The following R3HCC1L variants were observed in gnomAD, a reference collection of about 807,000 sequenced individuals.
R3HCC1L encodes R3H domain and coiled-coil containing 1 like.
R3HCC1L carries 51 observed loss-of-function variants against 59.9 expected under a neutral mutation model. The observed-to-expected ratio is 0.85, with a 90% CI of 0.68 to 1.07. R3HCC1L has a LOEUF of 1.07. Among genes scored for constraint, R3HCC1L ranks in the 50% least tolerant of loss-of-function variants. The pLI, the probability that R3HCC1L is intolerant of heterozygous loss-of-function variation, is 0.00. For synonymous variants in R3HCC1L, 322 were observed against 315.2 expected (o/e 1.02, Z -0.23); for missense variants, 965 against 933.0 (o/e 1.03, Z -0.45).
At chr10:98,186,300 TTGGTTC>T (rs1176987395) in intron 4 of R3HCC1L, among the ~76,000 whole-genome samples, 1 of 152,146 alleles carries the variant, frequency 6.6e-6, no homozygotes, top group Non-Finnish European at 1.5e-5. Context: ...ACAGGACAGT[TTGGTTC>T]CTTCGGTTTT....
rs180699719 is a variant in R3HCC1L at position 98,179,322 on chromosome 10, A to G, written c.-15+15925A>G. Among the ~76,000 whole-genome samples the G allele has an allele frequency of 3.9e-5, 6 of 152,176 alleles. No homozygotes were observed. In the East Asian group the frequency reaches 1.2e-3, roughly 29 times the overall value. On this transcript the variant is annotated intron_variant, in intron 4 of 9. Coordinates refer to ENST00000298999, the MANE Select transcript of R3HCC1L (RefSeq NM_001351015.2). Reference sequence around the variant, plus strand: ...CTTTTCTGCATCTATTGAGATAATCATGTGGTTTTTGTCTGTGGTTCTGTT... The same window carrying G: ...CTTTTCTGCATCTATTGAGATAATCGTGTGGTTTTTGTCTGTGGTTCTGTT...
intron 4 of R3HCC1L, among the ~76,000 whole-genome samples, chr10:98,207,315 G>A (rs1368760186): frequency 6.6e-6 from 1 of 152,174 alleles, no homozygotes; most frequent in East Asian, 1.9e-4. Flanking sequence ...TTAGTAGATA[G>A]TAGATAAAGA....
chr10:98,198,992 A>G (rs902159220), intron 4 of R3HCC1L, among the ~76,000 whole-genome samples: 1 of 152,192 alleles, frequency 6.6e-6, no homozygotes, highest in African/African-American at 2.4e-5. Context: ...TTAATGCAGT[A>G]TATTCAAAAT....
intron 4 of R3HCC1L, 111 bp from the exon 5 acceptor site, chr10:98,207,990 A>G: frequency 9.8e-7 from 1 of 1,016,934 alleles, no homozygotes; most frequent in Non-Finnish European, 1.4e-6. Context: ...GCTCCACTGT[A>G]CTCTAGCCTG....
At chr10:98,162,659 C>CGTGTGTGTGT (rs1006113211) in intron 2 of R3HCC1L, among the ~76,000 whole-genome samples, 3 of 150,138 alleles carry the variant, frequency 2.0e-5, no homozygotes, top group Admixed American at 2.0e-4. Context: ...AACATCTGTT[C>CGTGTGTGTGT]GTGTGTGTGT....
intron 5 of R3HCC1L, among the ~76,000 whole-genome samples, chr10:98,216,581 G>T (rs1854233259): frequency 6.6e-6 from 1 of 152,072 alleles, no homozygotes; most frequent in South Asian, 2.1e-4. Flanking sequence ...TGTTTTTTAT[G>T]TGGTGGGGGT....
chr10:98,152,362 G>T (rs1481261909), intron 1 of R3HCC1L, among the ~76,000 whole-genome samples: 6 of 151,568 alleles, frequency 4.0e-5, no homozygotes, highest in African/African-American at 7.3e-5. Context: ...TGCAGCCTCT[G>T]CCCGGCCGCC....
intron 4 of R3HCC1L, among the ~76,000 whole-genome samples, chr10:98,170,163 C>T (rs1014488334): frequency 3.9e-5 from 6 of 152,060 alleles, no homozygotes; most frequent in African/African-American, 9.7e-5. Context: ...AGCATATACT[C>T]GGTGGAAAAC....
At chr10:98,227,851 G>A (rs1475132359) in intron 5 of R3HCC1L, among the ~76,000 whole-genome samples, 4 of 151,614 alleles carry the variant, frequency 2.6e-5, no homozygotes, top group Non-Finnish European at 4.4e-5. Context: ...TTGTCCTTGC[G>A]ATAGTTTGCT....
intron 5 of R3HCC1L, among the ~76,000 whole-genome samples, chr10:98,219,881 CTT>C (rs1854663971): frequency 6.6e-6 from 1 of 152,090 alleles, no homozygotes; most frequent in Non-Finnish European, 1.5e-5. Flanking sequence ...GGTTGAATCT[CTT>C]TGGGAATCTT....
chr10:98,207,113 C>G (rs891351667), intron 4 of R3HCC1L, among the ~76,000 whole-genome samples: 1 of 152,160 alleles, frequency 6.6e-6, no homozygotes, highest in Non-Finnish European at 1.5e-5. Flanking sequence ...TTCTCATTAT[C>G]TCCTTCTTTT....
At chr10:98,215,917 G>A (rs1040472417) in intron 5 of R3HCC1L, among the ~76,000 whole-genome samples, 1 of 152,182 alleles carries the variant, frequency 6.6e-6, no homozygotes, top group Non-Finnish European at 1.5e-5. Flanking sequence ...AGTAAATTGG[G>A]AAAGAAGCAT....
chr10:98,171,070 C>T (rs1848463248), intron 4 of R3HCC1L, among the ~76,000 whole-genome samples: 1 of 152,172 alleles, frequency 6.6e-6, no homozygotes, highest in Non-Finnish European at 1.5e-5. Flanking sequence ...CATAGGCATG[C>T]ACACAACACT....
chr10:98,135,603 G>A (rs1490861745), intron 1 of R3HCC1L, among the ~76,000 whole-genome samples: 1 of 152,214 alleles, frequency 6.6e-6, no homozygotes, highest in Non-Finnish European at 1.5e-5. Context: ...GGGGGAAAGT[G>A]TCTTTGGAAA....
chr10:98,223,257 T>C (rs1349754709), intron 5 of R3HCC1L, among the ~76,000 whole-genome samples: 3 of 152,300 alleles, frequency 2.0e-5, no homozygotes, highest in East Asian at 3.9e-4. Context: ...TTTAGACCAA[T>C]ATCCTTGATG....
chr10:98,192,842 C>T (rs1431646856), intron 4 of R3HCC1L, among the ~76,000 whole-genome samples: 1 of 152,094 alleles, frequency 6.6e-6, no homozygotes, highest in African/African-American at 2.4e-5. Context: ...AAGAAAACTA[C>T]AGGCCAGTAT....
chr10:98,208,629 A>C lies in R3HCC1L; in HGVS notation c.515A>C (p.Glu172Ala). 6.2e-7 allele frequency: 1 copy of C among 1,614,150 alleles called. No homozygotes were observed. The highest frequency in any genetic ancestry group is 8.5e-7 in the Non-Finnish European group (1 of 1,180,022). The part of the protein sequence containing the change: ...LLSQACLEIS[E>A]AQVPSKPFQN... ...TCACAGGCCTGTTTAGAAATCAGCGAGGCTCAAGTTCCAAGCAAACCATTC... is the reference window on the plus strand; with the variant it reads ...TCACAGGCCTGTTTAGAAATCAGCGCGGCTCAAGTTCCAAGCAAACCATTC... The change falls in exon 5 of 10, where the codon GAG becomes GCG. Residue 172 changes from glutamate (E) to alanine (A), a missense_variant. Transcript: ENST00000298999.
chr10:98,147,913 AT>A (rs1277706501), intron 1 of R3HCC1L, among the ~76,000 whole-genome samples: 1 of 151,970 alleles, frequency 6.6e-6, no homozygotes, highest in Non-Finnish European at 1.5e-5. Flanking sequence ...ATTCTGTATA[AT>A]TTTTTTGATT....
intron 9 of R3HCC1L, 83 bp from the exon 10 acceptor site, chr10:98,244,008 A>C: frequency 5.7e-6 from 7 of 1,220,598 alleles, no homozygotes; most frequent in South Asian, 1.2e-5. Context: ...TCATGACTAA[A>C]GTTTGCCTTG....
Sources: gnomAD v4.1 joint callset for allele counts (sites outside exome capture counted in the v4.1 genomes callset) on GRCh38, gnomAD v4.1.1 for gene constraint, MANE v1.5 for transcripts, NCBI Gene and HGNC (gene_info 2026-07-23, HGNC 2026-07-21) for gene names.